Variants in SPOCK1 observed in about 807,000 individuals in gnomAD.
SPOCK1 encodes the protein SPARC (osteonectin), cwcv and kazal like domains proteoglycan 1.
In SPOCK1, 23 loss-of-function variants were observed where a neutral mutation model predicts 55.3. The observed-to-expected ratio is 0.42, with a 90% CI of 0.30 to 0.59. The LOEUF is 0.59. Ranked by LOEUF, SPOCK1 falls within the 20% of genes least tolerant of loss-of-function variation. The probability of loss-of-function intolerance (pLI) is 0.22; values close to 1 mark genes in which losing one functional copy is unlikely to be tolerated. For missense variants in SPOCK1, 499 were observed against 552.5 expected, an observed-to-expected ratio of 0.90 and a Z score of 0.97; for synonymous variants, 226 against 221.0, an observed-to-expected ratio of 1.02 and a Z score of -0.20.
At chr5:137,402,240 G>A (rs1015873937) in intron 2 of SPOCK1, among the ~76,000 whole-genome samples, 6 of 152,102 alleles carry the variant, frequency 3.9e-5, no homozygotes, top group African/African-American at 1.2e-4. Context: ...GAAGCTGTTA[G>A]GTTTCTCTTG....
At chr5:137,301,025 G>A (rs1001100389) in intron 2 of SPOCK1, among the ~76,000 whole-genome samples, 1 of 152,190 alleles carries the variant, frequency 6.6e-6, no homozygotes, top group Non-Finnish European at 1.5e-5. Context: ...TAAAGGAAGA[G>A]GCTCATCCTT....
intron 6 of SPOCK1, 34 bp from the exon 7 acceptor site, chr5:136,992,634 T>G: frequency 1.1e-5 from 17 of 1,563,346 alleles, no homozygotes; most frequent in Non-Finnish European, 1.5e-5. Flanking sequence ...ACAATGGGGC[T>G]GGGGGCTTTC....
intron 6 of SPOCK1, among the ~76,000 whole-genome samples, chr5:137,016,700 C>T (rs1751453227): frequency 1.3e-5 from 2 of 152,212 alleles, no homozygotes; most frequent in Admixed American, 1.3e-4. Flanking sequence ...AGGAAACAAA[C>T]AACCCAACTT....
intron 2 of SPOCK1, among the ~76,000 whole-genome samples, chr5:137,272,600 G>A (rs1756985796): frequency 6.6e-6 from 1 of 152,156 alleles, no homozygotes; most frequent in South Asian, 2.1e-4. Flanking sequence ...TCTGAATGAA[G>A]TGACCCAGCT....
chr5:137,181,985 T>C (rs952770414), intron 3 of SPOCK1, among the ~76,000 whole-genome samples: 16 of 152,186 alleles, frequency 1.1e-4, no homozygotes, highest in African/African-American at 3.4e-4. Context: ...AAAAGGGACA[T>C]GAAGACAACA....
intron 2 of SPOCK1, among the ~76,000 whole-genome samples, chr5:137,348,345 A>C (rs1750603648): frequency 6.6e-6 from 1 of 152,104 alleles, no homozygotes; most frequent in Admixed American, 6.5e-5. Flanking sequence ...TCCATTTATA[A>C]AGTTGATTAT....
chr5:137,423,989 A>AT (rs34615005), intron 2 of SPOCK1, among the ~76,000 whole-genome samples: 5 of 151,622 alleles, frequency 3.3e-5, no homozygotes, highest in African/African-American at 1.2e-4. Flanking sequence ...GTGAAGATTC[A>AT]TTTTTTTTTT....
At chr5:137,011,779 T>G (rs977670129) in intron 6 of SPOCK1, among the ~76,000 whole-genome samples, 1 of 152,174 alleles carries the variant, frequency 6.6e-6, no homozygotes, top group Non-Finnish European at 1.5e-5. Flanking sequence ...GTTTCCAATT[T>G]GTAGCCCAAA....
chr5:137,069,659 C>T (rs1240566262), intron 5 of SPOCK1, among the ~76,000 whole-genome samples: 3 of 152,184 alleles, frequency 2.0e-5, no homozygotes. Context: ...TCATTCAGCA[C>T]AGCGTGTGTG....
Position 137,140,782 on chromosome 5 carries a change from G to A in SPOCK1, c.233-88C>T, listed in dbSNP as rs114590986. On this transcript the variant is annotated intron_variant, in intron 3 of 10. Transcript: ENST00000394945. ...TTTTTTTTTTTTTTTTTGTTGAGAC[G>A]GACTCTCGCTGTGTTGCCCAGACTG... 5,414 of 800,272 alleles carry A rather than the reference G, an allele frequency of 6.8e-3. 164 individuals carry two copies. Among genetic ancestry groups the A allele is most frequent in the African/African-American group, 0.067 (3,375 of 50,172 alleles). 49.6% of individuals were successfully genotyped at this position (800,272 alleles called of 1,614,324 possible).
At chr5:137,139,124 C>G (rs1047564885) in intron 4 of SPOCK1, among the ~76,000 whole-genome samples, 2 of 152,214 alleles carry the variant, frequency 1.3e-5, no homozygotes, top group African/African-American at 4.8e-5. Flanking sequence ...AGCTTTACTA[C>G]CAGGAAAACA....
At chr5:137,077,700 T>C (rs1752798625) in intron 5 of SPOCK1, among the ~76,000 whole-genome samples, 1 of 152,164 alleles carries the variant, frequency 6.6e-6, no homozygotes, top group African/African-American at 2.4e-5. Flanking sequence ...CTGTGAAGTG[T>C]GATCATCAGA....
chr5:137,368,769 C>T (rs1048181277), intron 2 of SPOCK1, among the ~76,000 whole-genome samples: 3 of 152,224 alleles, frequency 2.0e-5, no homozygotes, highest in African/African-American at 7.2e-5. Flanking sequence ...CCACATCTCC[C>T]ATGTGTCTCC....
intron 2 of SPOCK1, among the ~76,000 whole-genome samples, chr5:137,472,154 C>T (rs1309610544): frequency 6.6e-6 from 1 of 152,130 alleles, no homozygotes; most frequent in Non-Finnish European, 1.5e-5. Flanking sequence ...CCAGTGCTGC[C>T]AGCAGACCCT....
chr5:137,051,386 A>C (rs1177023362), intron 6 of SPOCK1, among the ~76,000 whole-genome samples: 1 of 152,236 alleles, frequency 6.6e-6, no homozygotes, highest in Non-Finnish European at 1.5e-5. Context: ...GTATTGGCTT[A>C]CTGTAGAAAT....
intron 5 of SPOCK1, among the ~76,000 whole-genome samples, chr5:137,070,624 T>C (rs374729430): frequency 1.2e-4 from 19 of 152,178 alleles, no homozygotes; most frequent in African/African-American, 4.6e-4. Context: ...ACCACATTCA[T>C]CCTAAACCAT....
chr5:137,040,206 G>C (rs1751968220), intron 6 of SPOCK1, among the ~76,000 whole-genome samples: 1 of 152,218 alleles, frequency 6.6e-6, no homozygotes, highest in African/African-American at 2.4e-5. Flanking sequence ...GTTTCCAGCT[G>C]AAGTGGGCCC....
At chr5:137,304,376 G>A (rs529939986) in intron 2 of SPOCK1, among the ~76,000 whole-genome samples, 1 of 152,298 alleles carries the variant, frequency 6.6e-6, no homozygotes, top group Admixed American at 6.5e-5. Flanking sequence ...CACAAGCCCT[G>A]CCCCAGCTGC....
chr5:137,448,793 A>G (rs916567298), intron 2 of SPOCK1, among the ~76,000 whole-genome samples: 1 of 152,190 alleles, frequency 6.6e-6, no homozygotes, highest in African/African-American at 2.4e-5. Flanking sequence ...GAGTTAGCAG[A>G]CACTTTGTAC....
Sources: gnomAD v4.1 joint callset for allele counts (sites outside exome capture counted in the v4.1 genomes callset) on GRCh38, gnomAD v4.1.1 for gene constraint, MANE v1.5 for transcripts, NCBI Gene and HGNC (gene_info 2026-07-23, HGNC 2026-07-21) for gene names.